The following USH2A variants were observed in gnomAD, a reference collection of about 807,000 sequenced individuals.
USH2A encodes the protein usherin.
In USH2A, 443 loss-of-function variants were observed where a neutral mutation model predicts 538.9. The observed-to-expected ratio is 0.82, with a 90% CI of 0.76 to 0.89. USH2A has a LOEUF of 0.89. Among genes scored for constraint, USH2A ranks in the 40% least tolerant of loss-of-function variants. The pLI, the probability that USH2A is intolerant of heterozygous loss-of-function variation, is 0.00. For missense variants in USH2A, 6,633 were observed against 6,324.8 expected, an observed-to-expected ratio of 1.05 and a Z score of -1.65; for synonymous variants, 2,413 against 2,273.5, an observed-to-expected ratio of 1.06 and a Z score of -1.75.
chr1:215,672,861 T>C (rs565287628), intron 63 of USH2A, among the ~76,000 whole-genome samples: 55 of 152,230 alleles, frequency 3.6e-4, no homozygotes, highest in Non-Finnish European at 6.6e-4. Flanking sequence ...ATCCTTGCAA[T>C]TTATCAGATA....
chr1:216,249,146 T>C (rs1445026442), intron 12 of USH2A, among the ~76,000 whole-genome samples: 1 of 152,016 alleles, frequency 6.6e-6, no homozygotes, highest in African/African-American at 2.4e-5. Context: ...TAAATATATA[T>C]GCATATCAAG....
chr1:215,855,055 G>T (rs1664124551), intron 44 of USH2A, among the ~76,000 whole-genome samples: 1 of 152,028 alleles, frequency 6.6e-6, no homozygotes, highest in Non-Finnish European at 1.5e-5. Flanking sequence ...ACCTTATTGA[G>T]GACTCTCTTA....
chr1:216,379,395 C>T (rs573562199), intron 3 of USH2A, among the ~76,000 whole-genome samples: 5 of 152,174 alleles, frequency 3.3e-5, no homozygotes, highest in Admixed American at 2.0e-4. Flanking sequence ...ACAGTAATAG[C>T]ATCTTCAACC....
In USH2A at chr1:216,073,025, G is replaced by A. The variant is rs1050594581; in HGVS notation, c.5777-56C>T. On this transcript the variant is annotated intron_variant, in intron 28 of 71. Transcript: ENST00000307340. ...AAATAATACTCATATAGATTAATGAGGGGCTGGCAGGGAGGGAAAGGGGGA... is the reference window on the plus strand; with the variant it reads ...AAATAATACTCATATAGATTAATGAAGGGCTGGCAGGGAGGGAAAGGGGGA... The A allele has an allele frequency of 2.5e-6, 4 of 1,612,160 alleles. No individual in the cohort carries two copies. The East Asian group carries it at 6.7e-5, about 27-fold the overall frequency.
At chr1:215,893,194 AG>A in intron 40 of USH2A, among the ~76,000 whole-genome samples, 1 of 152,318 alleles carries the variant, frequency 6.6e-6, no homozygotes, top group South Asian at 2.1e-4. Context: ...GAAGACAACA[AG>A]ATTAAATGAA....
intron 24 of USH2A, among the ~76,000 whole-genome samples, chr1:216,086,054 C>CTAGAATAT (rs2032121155): frequency 6.6e-6 from 1 of 151,948 alleles, no homozygotes; most frequent in African/African-American, 2.4e-5. Flanking sequence ...GGAAACAATC[C>CTAGAATAT]TAGAATATTA....
intron 62 of USH2A, among the ~76,000 whole-genome samples, chr1:215,677,672 T>G (rs1658079466): frequency 6.6e-6 from 1 of 152,184 alleles, no homozygotes; most frequent in Non-Finnish European, 1.5e-5. Context: ...ACTCATGCAC[T>G]TTTCCTTCTA....
At chr1:216,381,830 C>T (rs976253464) in intron 3 of USH2A, among the ~76,000 whole-genome samples, 3 of 152,202 alleles carry the variant, frequency 2.0e-5, no homozygotes, top group Non-Finnish European at 2.9e-5. Context: ...AAAATCTAAT[C>T]ATACCCAAGT....
At chr1:216,157,753 G>A (rs1354445243) in intron 21 of USH2A, among the ~76,000 whole-genome samples, 2 of 152,140 alleles carry the variant, frequency 1.3e-5, no homozygotes. Flanking sequence ...ATATGTGAGA[G>A]CTAAACATTG....
chr1:215,721,327 G>C (rs539577903), intron 61 of USH2A, among the ~76,000 whole-genome samples: 1 of 152,030 alleles, frequency 6.6e-6, no homozygotes, highest in African/African-American at 2.4e-5. Flanking sequence ...CACCCACCTC[G>C]GCCTCCCAAA....
chr1:216,223,923 T>A (rs956063596), intron 14 of USH2A, among the ~76,000 whole-genome samples: 13 of 152,154 alleles, frequency 8.5e-5, no homozygotes, highest in Non-Finnish European at 1.6e-4. Context: ...TGTAGAACAT[T>A]TGCAGTAAAA....
chr1:216,209,210 G>A (rs191943330), intron 15 of USH2A, among the ~76,000 whole-genome samples: 1 of 152,200 alleles, frequency 6.6e-6, no homozygotes, highest in South Asian at 2.1e-4. Flanking sequence ...TGTATGAAGA[G>A]CATCACCTGA....
At chr1:216,122,752 G>A (rs970668053) in intron 21 of USH2A, among the ~76,000 whole-genome samples, 3 of 152,102 alleles carry the variant, frequency 2.0e-5, no homozygotes, top group African/African-American at 7.2e-5. Context: ...ATGACCCAAG[G>A]GACCAGGGTA....
rs762208387 is a variant in USH2A at position 216,391,518 on chromosome 1, G to C, written c.652-26433C>G. ...AAAGTCCTCCTGGATTAGTATAAGA[G>C]TTTCTGTTGCATTGCGCTTAACCCC... On this transcript the variant is annotated intron_variant, in intron 3 of 71. Transcript: ENST00000307340. 3.3e-5 allele frequency among the ~76,000 whole-genome samples: 5 copies of C among 152,158 alleles called. No individual in the cohort carries two copies. The South Asian group carries it at 1.0e-3, about 31-fold the overall frequency.
chr1:216,046,162 C>T lies in USH2A; in HGVS notation c.6325+269G>A, dbSNP rs1364544955. Among the ~76,000 whole-genome samples, 5 of 151,848 alleles carry T rather than the reference C, an allele frequency of 3.3e-5. No individual in the cohort carries two copies. In the South Asian group the frequency reaches 1.0e-3, roughly 31 times the overall value. On this transcript the variant is annotated intron_variant, in intron 32 of 71. Transcript: ENST00000307340. The stretch of plus-strand genomic sequence containing the variant: ...ATGTGGTGTATTATTTGCATATAGG[C>T]TATCCACATCCTCCTGTATGCTTTA...
intron 9 of USH2A, among the ~76,000 whole-genome samples, chr1:216,316,611 C>T (rs1470359217): frequency 2.0e-5 from 3 of 152,114 alleles, no homozygotes; most frequent in Non-Finnish European, 4.4e-5. Flanking sequence ...CAGTGTTAGA[C>T]TATGTTCTGA....
At chr1:216,325,662 G>C in intron 5 of USH2A, 63 bp from the exon 6 acceptor site, 1 of 1,513,264 alleles carries the variant, frequency 6.6e-7, no homozygotes, top group Non-Finnish European at 9.0e-7. Flanking sequence ...ACTTCTAGGA[G>C]TCGTTACAAA....
rs201924343 is a variant in USH2A at position 216,086,750 on chromosome 1, C to T, written c.4956G>A (p.Pro1652=). 12 of 1,612,754 alleles carry T rather than the reference C, an allele frequency of 7.4e-6. No homozygotes were observed. The highest frequency in any genetic ancestry group is 5.0e-5 in the Admixed American group (3 of 59,850). ...DNTGVFLGGL[P]RSYTILRKDP... ...CCTTCCTGAGGATGGTATAACTTCG[C>T]GGGAGCCCTCCCAGAAAGACTCCTG... The change falls in exon 24 of 72, where the codon CCG becomes CCA. Residue 1652 remains proline, a synonymous_variant. Transcript: ENST00000307340.
intron 11 of USH2A, among the ~76,000 whole-genome samples, chr1:216,287,697 C>T (rs1379228742): frequency 6.6e-6 from 1 of 152,088 alleles, no homozygotes; most frequent in African/African-American, 2.4e-5. Flanking sequence ...ATCTGATGCA[C>T]TGTAACTCGT....
Sources: allele counts gnomAD v4.1 joint callset (sites outside exome capture counted in the v4.1 genomes callset), GRCh38; gene constraint gnomAD v4.1.1; transcripts MANE v1.5; gene names NCBI Gene and HGNC (gene_info 2026-07-23, HGNC 2026-07-21).